The following CRACD variants were observed in gnomAD, a reference collection of about 807,000 sequenced individuals.
The protein encoded by CRACD is capping protein-inhibiting regulator of actin dynamics.
CRACD carries 56 observed loss-of-function variants against 106.8 expected under a neutral mutation model. The ratio of observed to expected loss-of-function variants is 0.52; its 90% confidence interval spans 0.42 to 0.66. The LOEUF (loss-of-function observed/expected upper bound fraction) is 0.66, where lower values mean the gene tolerates loss of function less well. Among genes scored for constraint, CRACD ranks in the 30% least tolerant of loss-of-function variants. The pLI, the probability that CRACD is intolerant of heterozygous loss-of-function variation, is 0.00. For synonymous variants in CRACD, 754 were observed against 670.8 expected, an observed-to-expected ratio of 1.12 and a Z score of -1.92; for missense variants, 1,730 against 1,623.2, an observed-to-expected ratio of 1.07 and a Z score of -1.13.
At chr4:56,260,920 T>TCCAC (rs1741664969) in intron 2 of CRACD, among the ~76,000 whole-genome samples, 1 of 150,724 alleles carries the variant, frequency 6.6e-6, no homozygotes. Flanking sequence ...CATCCATCCA[T>TCCAC]CCGTCCATCC....
intron 1 of CRACD, among the ~76,000 whole-genome samples, chr4:56,058,010 C>T (rs111666918): frequency 0.017 from 1,099 of 65,106 alleles, 329 homozygotes; most frequent in African/African-American, 0.058. Context: ...TTAGTAGAGA[C>T]GGGGTTTCAT....
chr4:56,256,222 C>T lies in CRACD; in HGVS notation c.-188-16099C>T, dbSNP rs552515690. On this transcript the variant is annotated intron_variant, in intron 2 of 10. Transcript: ENST00000682029. ...TTGAATCATGGAGGTGGGTCTTTCCCATGCTGTTCTTGTGATAGTAAATAA... is the reference window on the plus strand; with the variant it reads ...TTGAATCATGGAGGTGGGTCTTTCCTATGCTGTTCTTGTGATAGTAAATAA... 3.0e-4 allele frequency among the ~76,000 whole-genome samples: 46 copies of T among 152,252 alleles called. No individual in the cohort carries two copies. The South Asian group carries it at 9.5e-3, about 32-fold the overall frequency.
Position 56,314,416 on chromosome 4 carries a change from G to GGAGGGAGCGGAGGGAGCT in CRACD, c.923_924insGAGGGAGCTGAGGGAGCG (p.Arg308_Glu309insArgGluLeuArgGluArg), listed in dbSNP as rs1481536552. 861 of 1,544,980 alleles carry GGAGGGAGCGGAGGGAGCT rather than the reference G, an allele frequency of 5.6e-4. 1 individual carries two copies. The highest frequency in any genetic ancestry group is 7.3e-4 in the Non-Finnish European group (834 of 1,144,764). ...GCGCCAGGTTGGGAGGACGCGGAGC[G>GGAGGGAGCGGAGGGAGCT]GAGGGAGCGTGAGGAGCGCGAGCGC... On this transcript the variant is annotated inframe_insertion, in exon 8 of 11. Coordinates refer to ENST00000682029, the MANE Select transcript of CRACD (RefSeq NM_001393381.1). This position sits in a 1 kb window ranked among gnomAD's most constrained non-coding sequence, Gnocchi z 4.4.
chr4:56,245,813 G>C (rs769505316), intron 2 of CRACD, among the ~76,000 whole-genome samples: 1 of 152,108 alleles, frequency 6.6e-6, no homozygotes, highest in Non-Finnish European at 1.5e-5. Context: ...AGGAAAAATC[G>C]AACTTCCAAT....
chr4:56,275,488 T>TA (rs1351431565), intron 3 of CRACD, among the ~76,000 whole-genome samples: 1 of 152,070 alleles, frequency 6.6e-6, no homozygotes, highest in Non-Finnish European at 1.5e-5. Flanking sequence ...TAGAAGTAAT[T>TA]AAAAAATACA....
intron 1 of CRACD, among the ~76,000 whole-genome samples, chr4:56,115,072 C>G (rs1425223307): frequency 6.6e-6 from 1 of 151,950 alleles, no homozygotes; most frequent in Non-Finnish European, 1.5e-5. Context: ...TATAGTAATT[C>G]CAATGGGTAT....
At chr4:56,136,592 T>G (rs1277459855) in intron 1 of CRACD, among the ~76,000 whole-genome samples, 1 of 152,206 alleles carries the variant, frequency 6.6e-6, no homozygotes, top group Non-Finnish European at 1.5e-5. Context: ...ATTTTCTTAC[T>G]GGGTGCTTTG....
chr4:56,264,085 A>G (rs1057184067), intron 2 of CRACD, among the ~76,000 whole-genome samples: 6 of 152,200 alleles, frequency 3.9e-5, no homozygotes, highest in African/African-American at 1.2e-4. Context: ...ACATCTTCAC[A>G]TGGCGGCAGG....
At chr4:56,168,803 C>CT (rs1346889166) in intron 1 of CRACD, among the ~76,000 whole-genome samples, 1 of 151,810 alleles carries the variant, frequency 6.6e-6, no homozygotes, top group Non-Finnish European at 1.5e-5. Context: ...CCTTTCCTAC[C>CT]TTTAGGTCAA....
At chr4:56,289,325 A>G (rs1462835008) in intron 3 of CRACD, among the ~76,000 whole-genome samples, 1 of 152,218 alleles carries the variant, frequency 6.6e-6, no homozygotes, top group Non-Finnish European at 1.5e-5. Flanking sequence ...ACAAATATGA[A>G]AAAATTTATG....
chr4:56,187,206 G>A (rs1239834876), intron 2 of CRACD, among the ~76,000 whole-genome samples: 2 of 152,140 alleles, frequency 1.3e-5, no homozygotes, highest in East Asian at 1.9e-4. Flanking sequence ...ACAGATAACC[G>A]GGTGAAGTGT....
At chr4:56,201,280 A>G (rs765806187) in intron 2 of CRACD, among the ~76,000 whole-genome samples, 11 of 152,236 alleles carry the variant, frequency 7.2e-5, no homozygotes, top group Non-Finnish European at 1.2e-4. Context: ...GCTTTCTAAA[A>G]TAAACCGTCT....
At chr4:56,117,775 C>T (rs947310680) in intron 1 of CRACD, among the ~76,000 whole-genome samples, 4 of 151,998 alleles carry the variant, frequency 2.6e-5, no homozygotes, top group Admixed American at 6.6e-5. Flanking sequence ...TGTTTGTTTT[C>T]GAGACAGAGT....
At chr4:56,228,300 G>T (rs1446490565) in intron 2 of CRACD, among the ~76,000 whole-genome samples, 1 of 152,034 alleles carries the variant, frequency 6.6e-6, no homozygotes, top group Non-Finnish European at 1.5e-5. Flanking sequence ...AAAAAATTTG[G>T]TCTTCTAACA....
In CRACD at chr4:56,231,473, C is replaced by A. The variant is rs116250821; in HGVS notation, c.-188-40848C>A. On this transcript the variant is annotated intron_variant, in intron 2 of 10. Coordinates refer to ENST00000682029, the MANE Select transcript of CRACD (RefSeq NM_001393381.1). Reference sequence around the variant, plus strand: ...CTGACTGTAGGCTTGTGTAACCCAGCAGCTCCACTCCTGTGAATACTCAGC... The same window carrying A: ...CTGACTGTAGGCTTGTGTAACCCAGAAGCTCCACTCCTGTGAATACTCAGC... 6.2e-3 allele frequency among the ~76,000 whole-genome samples: 945 copies of A among 152,320 alleles called. 11 individuals are homozygous for A. The highest frequency in any genetic ancestry group is 0.022 in the African/African-American group (904 of 41,570).
At chr4:56,188,711 C>CACACACACACACAGAGAGAGAGAG (rs1446016845) in intron 2 of CRACD, among the ~76,000 whole-genome samples, 3 of 113,174 alleles carry the variant, frequency 2.7e-5, no homozygotes, top group African/African-American at 1.2e-4. Context: ...CACACACACA[C>CACACACACACACAGAGAGAGAGAG]AGAGAGAGAG....
At chr4:56,281,434 G>A (rs960020633) in intron 3 of CRACD, among the ~76,000 whole-genome samples, 3 of 152,100 alleles carry the variant, frequency 2.0e-5, no homozygotes, top group Non-Finnish European at 4.4e-5. Flanking sequence ...GCGATTCTTA[G>A]AGATACAATA....
chr4:56,314,105 C>T lies in CRACD; in HGVS notation c.603C>T (p.Gly201=), dbSNP rs10018803. The change falls in exon 8 of 11, where the codon GGC becomes GGT. Residue 201 remains glycine, a synonymous_variant. Transcript: ENST00000682029. This position sits in a 1 kb window ranked among gnomAD's most constrained non-coding sequence, Gnocchi z 4.4. ...RPCLDQNGHP[G]EDKPTWHEEE... ...GCCTGGACCAGAACGGACACCCAGG[C>T]GAGGACAAGCCAACGTGGCACGAAG... The T allele has an allele frequency of 1.1e-3, 1,715 of 1,614,116 alleles. 15 individuals are homozygous for T. The African/African-American group carries it at 0.021, about 19-fold the overall frequency.
intron 1 of CRACD, among the ~76,000 whole-genome samples, chr4:56,128,569 G>C (rs927709756): frequency 1.3e-5 from 2 of 152,158 alleles, no homozygotes; most frequent in Non-Finnish European, 2.9e-5. Context: ...AATTAGGAAG[G>C]TGCCTCAATT....
Sources: gnomAD v4.1 joint callset for allele counts (sites outside exome capture counted in the v4.1 genomes callset) on GRCh38, gnomAD v4.1.1 for gene constraint, Gnocchi (gnomAD v3.1) non-coding constraint, MANE v1.5 for transcripts, NCBI Gene and HGNC (gene_info 2026-07-23, HGNC 2026-07-21) for gene names.